The following MTTP variants were observed in gnomAD, a reference collection of about 807,000 sequenced individuals.
The protein encoded by MTTP is microsomal triglyceride transfer protein.
A neutral mutation model predicts 90.6 loss-of-function variants in MTTP; 49 were observed. The observed-to-expected ratio is 0.54, with a 90% CI of 0.43 to 0.69. MTTP has a LOEUF of 0.69. Ranked by LOEUF, MTTP falls within the 30% of genes least tolerant of loss-of-function variation. The pLI is 0.00. For synonymous variants in MTTP, 347 were observed against 384.2 expected, an observed-to-expected ratio of 0.90 and a Z score of 1.13; for missense variants, 945 against 1,067.5, an observed-to-expected ratio of 0.89 and a Z score of 1.60.
At position 99,591,364 on chromosome 4, in the gene MTTP, T is replaced by C. The variant is rs200253179; in HGVS notation, c.618+13T>C. On this transcript the variant is annotated intron_variant, in intron 5 of 17. Coordinates refer to ENST00000265517, the MANE Select transcript of MTTP (RefSeq NM_001386140.1). ...GACCCCAAATCAGGTATGATAGATG[T>C]CACTTTCTTTGAGGCATTAAAATAA... is the stretch of plus-strand genomic sequence containing the variant. The C allele has an allele frequency of 4.0e-5, 62 of 1,546,216 alleles. 1 individual carries two copies. The East Asian group carries it at 6.7e-4, about 17-fold the overall frequency.
At chr4:99,584,046 T>A (rs1409419406) in intron 3 of MTTP, 1 of 154,106 alleles carries the variant, frequency 6.5e-6, no homozygotes, top group Non-Finnish European at 1.4e-5. Flanking sequence ...AACTATGACA[T>A]GGAAAAGCCT....
intron 10 of MTTP, 65 bp from the exon 11 acceptor site, chr4:99,606,683 C>A: frequency 6.6e-7 from 1 of 1,525,180 alleles, no homozygotes; most frequent in Non-Finnish European, 9.1e-7. Context: ...AAGAATAAAG[C>A]CAGTCTCACC....
chr4:99,612,912 G>A lies in MTTP; in HGVS notation c.1990-1G>A. 3.1e-6 allele frequency: 5 copies of A among 1,613,308 alleles called. No individual in the cohort carries two copies. The African/African-American group carries it at 4.0e-5, about 13-fold the overall frequency. ...ATGAACATTATATTGATTTTATCCAGGTGGTTATTGAAGCCCAAGGACTGG... is the reference window on the plus strand; with the variant it reads ...ATGAACATTATATTGATTTTATCCAAGTGGTTATTGAAGCCCAAGGACTGG... On this transcript the variant is annotated splice_acceptor_variant, in intron 14 of 17. Transcript: ENST00000265517. LOFTEE classifies it high-confidence loss of function.
chr4:99,589,744 C>G lies in MTTP; in HGVS notation c.495C>G (p.Thr165=). ...AGACACAGTTAAGCTCTGGAACCAC[C>G]AATGAGGTACTTACCAATATTAATA... ...LFQTQLSSGT[T]NEVDISGNCK... Residue 165 remains threonine (T), a synonymous_variant, in exon 4 of 18, where the codon ACC becomes ACG. Coordinates refer to ENST00000265517, the MANE Select transcript of MTTP (RefSeq NM_001386140.1). The G allele has an allele frequency of 1.9e-6, 3 of 1,550,076 alleles. No individual in the cohort carries two copies. Among genetic ancestry groups the G allele is most frequent in the Non-Finnish European group, 2.7e-6 (3 of 1,123,188 alleles).
chr4:99,584,030 T>C (rs1452693053), intron 3 of MTTP: 1 of 154,602 alleles, frequency 6.5e-6, no homozygotes, highest in Non-Finnish European at 1.4e-5. Context: ...TTAGAAATTA[T>C]TTTAAAACTA....
At chr4:99,581,870 A>G (rs1391690904) in intron 1 of MTTP, 35 bp from the exon 2 acceptor site, 10 of 1,608,880 alleles carry the variant, frequency 6.2e-6, no homozygotes, top group South Asian at 3.3e-5. Context: ...TTCCCTTACA[A>G]TGAAAACTGG....
chr4:99,581,757 G>A (rs1313332393), intron 1 of MTTP, 148 bp from the exon 2 acceptor site: 2 of 775,610 alleles, frequency 2.6e-6, no homozygotes, highest in Admixed American at 4.2e-5. Context: ...TCAAGTCAAT[G>A]ATTTCAGCAG....
At chr4:99,589,848 C>G in intron 4 of MTTP, 98 bp downstream of exon 4, 1 of 860,808 alleles carries the variant, frequency 1.2e-6, no homozygotes, top group Non-Finnish European at 1.9e-6. Context: ...TAAGGTAATG[C>G]TCAGAAAAGG....
In MTTP at chr4:99,601,707, A is replaced by C; in HGVS notation, c.1337A>C (p.Lys446Thr). 4 of 1,610,078 alleles carry C rather than the reference A, an allele frequency of 2.5e-6. No individual in the cohort carries two copies. Among genetic ancestry groups the C allele is most frequent in the Non-Finnish European group, 3.4e-6 (4 of 1,176,586 alleles). ...AAGTTGTGTCAGAATGAAGGCTGCA[A>C]ACTCAAAGTAAGTGCAAATCCAATC... ...VRKLCQNEGC[K>T]LKAVVEAKKL... Residue 446 changes from lysine to threonine, a missense_variant, in exon 10 of 18, where the codon AAA (lysine) becomes ACA (threonine). Lys to Thr is a moderately conservative substitution (Grantham distance 78). Transcript: ENST00000265517.
intron 10 of MTTP, among the ~76,000 whole-genome samples, chr4:99,604,947 T>A (rs572821589): frequency 6.6e-6 from 1 of 152,186 alleles, no homozygotes; most frequent in Non-Finnish European, 1.5e-5. Context: ...ATATATTCCA[T>A]CGCATGTACA....
rs370018639 is a variant in MTTP at position 99,591,324 on chromosome 4, G to A, written c.591G>A (p.Ala197=). ...AGGCCTTGGATTCATGCAAAATAGCGAGGTCTGGATTTACGACCCCAAATC... is the reference window on the plus strand; with the variant it reads ...AGGCCTTGGATTCATGCAAAATAGCAAGGTCTGGATTTACGACCCCAAATC... ...KIKALDSCKI[A]RSGFTTPNQV... The change falls in exon 5 of 18, where the codon GCG becomes GCA. Residue 197 remains alanine, a synonymous_variant. Transcript: ENST00000265517. The A allele has an allele frequency of 6.2e-6, 10 of 1,613,556 alleles. No individual in the cohort carries two copies. Among genetic ancestry groups the A allele is most frequent in the African/African-American group, 2.7e-5 (2 of 74,902 alleles).
chr4:99,607,339 T>G (rs1725841680), intron 11 of MTTP, among the ~76,000 whole-genome samples: 1 of 152,190 alleles, frequency 6.6e-6, no homozygotes. Context: ...AATTAAACCT[T>G]TGTTAGGGCA....
At chr4:99,597,038 G>C (rs1361271711) in intron 7 of MTTP, 29 bp from the exon 8 acceptor site, 1 of 1,612,430 alleles carries the variant, frequency 6.2e-7, no homozygotes, top group African/African-American at 1.3e-5. Flanking sequence ...TTATGAGTGG[G>C]GTATGAGCCT....
chr4:99,614,722 G>A (rs1726056878), intron 15 of MTTP, among the ~76,000 whole-genome samples: 2 of 152,178 alleles, frequency 1.3e-5, no homozygotes, highest in South Asian at 2.1e-4. Flanking sequence ...ATGGAAGAAG[G>A]GAAGGATAAG....
chr4:99,565,915 A>T (rs570834168), intron 1 of MTTP, among the ~76,000 whole-genome samples: 1 of 152,302 alleles, frequency 6.6e-6, no homozygotes, highest in Non-Finnish European at 1.5e-5. Flanking sequence ...AGGAGATAAT[A>T]ACCCTAAGGG....
chr4:99,576,980 G>A (rs937056459), intron 1 of MTTP, among the ~76,000 whole-genome samples: 9 of 152,180 alleles, frequency 5.9e-5, no homozygotes, highest in Non-Finnish European at 1.3e-4. Context: ...GTCTTTGGAA[G>A]GATCCTGGGC....
chr4:99,620,333 T>C (rs1339655647), intron 16 of MTTP, among the ~76,000 whole-genome samples: 1 of 152,216 alleles, frequency 6.6e-6, no homozygotes. Flanking sequence ...TTCTCACAGT[T>C]TGATTTAAAG....
chr4:99,577,569 C>T (rs1240632913), intron 1 of MTTP, among the ~76,000 whole-genome samples: 1 of 138,358 alleles, frequency 7.2e-6, no homozygotes, highest in African/African-American at 2.7e-5. Context: ...CACACCATTG[C>T]ACTCCAGCCT....
Position 99,622,663 on chromosome 4 carries a change from C to T in MTTP, c.2514-14C>T. ...TGTGTGTGTAATTCTGTTATTGTTG[C>T]TGTTGTTGTACAGGCAATTTGAGAA... On this transcript the variant is annotated splice_polypyrimidine_tract_variant and intron_variant, in intron 17 of 17. Coordinates refer to ENST00000265517, the MANE Select transcript of MTTP (RefSeq NM_001386140.1). 2 of 1,613,272 alleles carry T rather than the reference C, an allele frequency of 1.2e-6. No individual in the cohort carries two copies. The highest frequency in any genetic ancestry group is 1.1e-5 in the South Asian group (1 of 91,016).
Sources: allele counts gnomAD v4.1 joint callset (sites outside exome capture counted in the v4.1 genomes callset), GRCh38; gene constraint gnomAD v4.1.1; transcripts MANE v1.5; gene names NCBI Gene and HGNC (gene_info 2026-07-23, HGNC 2026-07-21).